BAG3: variants seen among roughly 807,000 people sequenced by gnomAD.
The protein encoded by BAG3 is BAG cochaperone 3, also known as BAG family molecular chaperone regulator 3.
A neutral mutation model predicts 40.5 loss-of-function variants in BAG3; 14 were observed. That is an observed-to-expected ratio of 0.35 (90% CI 0.23 to 0.54). The LOEUF (loss-of-function observed/expected upper bound fraction) is 0.54, where lower values mean the gene tolerates loss of function less well. Among genes scored for constraint, BAG3 ranks in the 20% least tolerant of loss-of-function variants. The pLI, the probability that BAG3 is intolerant of heterozygous loss-of-function variation, is 0.91. For missense variants in BAG3, 788 were observed against 758.6 expected (o/e 1.04, Z -0.46); for synonymous variants, 302 against 307.8 (o/e 0.98, Z 0.20).
chr10:119,677,232 T>G lies in BAG3; in HGVS notation c.1678T>G (p.Ser560Ala). 2 of 1,614,018 alleles carry G rather than the reference T, an allele frequency of 1.2e-6. No individual in the cohort carries two copies. The highest frequency in any genetic ancestry group is 8.5e-7 in the Non-Finnish European group (1 of 1,180,004). ...GCCAGAAGCCACAGCAGCAGCGACT[T>G]CAAACCCCAGCAGCATGACAGACAC... The part of the protein sequence containing the change: ...QQPEATAAAT[S>A]NPSSMTDTPG... The change falls in exon 4 of 4, where the codon TCA becomes GCA. Residue 560 changes from serine (S) to alanine (A), a missense_variant. Physicochemically the swap from Ser to Ala is moderately conservative, Grantham distance 99. Transcript: ENST00000369085.
rs1661722125 is a variant in BAG3, at chr10:119,656,070, A to T, written c.180+4215A>T. On this transcript the variant is annotated intron_variant, in intron 1 of 3. Transcript: ENST00000369085. ...TGTTTATTACTTTCTATTGACATTT[A>T]AAAATGATGTTCTGATGTTTATCAT... is the stretch of plus-strand genomic sequence containing the variant. 2.6e-5 allele frequency among the ~76,000 whole-genome samples: 4 copies of T among 152,298 alleles called. No individual in the cohort carries two copies. The South Asian group carries it at 8.3e-4, about 32-fold the overall frequency.
chr10:119,669,718 G>A (rs1847116222), intron 1 of BAG3, 133 bp from the exon 2 acceptor site: 7 of 922,024 alleles, frequency 7.6e-6, no homozygotes, highest in African/African-American at 4.9e-5. Context: ...TACAGGGGCT[G>A]GGAGCTGGCT....
intron 1 of BAG3, among the ~76,000 whole-genome samples, chr10:119,660,119 C>G (rs1385665874): frequency 6.6e-6 from 1 of 152,222 alleles, no homozygotes; most frequent in Non-Finnish European, 1.5e-5. Flanking sequence ...GCGGATGGTG[C>G]CTGGCCTGGA....
At chr10:119,673,652 A>G (rs1351808071) in intron 3 of BAG3, among the ~76,000 whole-genome samples, 4 of 152,218 alleles carry the variant, frequency 2.6e-5, no homozygotes, top group Non-Finnish European at 5.9e-5. Flanking sequence ...TTTCATTACA[A>G]ATGGTCACAC....
At chr10:119,662,781 G>A (rs1171585876) in intron 1 of BAG3, among the ~76,000 whole-genome samples, 6 of 152,062 alleles carry the variant, frequency 3.9e-5, no homozygotes, top group African/African-American at 9.7e-5. Flanking sequence ...TTGGGAGGCC[G>A]AGATGGGCAG....
At chr10:119,653,602 T>G (rs1564767787) in intron 1 of BAG3, among the ~76,000 whole-genome samples, 1 of 152,256 alleles carries the variant, frequency 6.6e-6, no homozygotes. Context: ...ACCATTATTC[T>G]TGTCAGCAAA....
intron 1 of BAG3, among the ~76,000 whole-genome samples, chr10:119,662,178 C>T (rs1043622534): frequency 1.3e-5 from 2 of 150,530 alleles, no homozygotes; most frequent in African/African-American, 4.9e-5. Context: ...CTCCTGAGTA[C>T]CTGGGATTGC....
At chr10:119,657,520 G>A (rs1846929247) in intron 1 of BAG3, 2 of 470,986 alleles carry the variant, frequency 4.2e-6, no homozygotes, top group African/African-American at 2.0e-5. Context: ...ACATGGGCCT[G>A]CCCAGAGCGC....
In BAG3 at chr10:119,677,582, T is replaced by A. The variant is rs1847259039; in HGVS notation, c.*300T>A. ...CCACCTGTTAGCTGTGGTTGTGCAC[T>A]GTCTTTTGTAGCTCTGGACTGGAGG... On this transcript the variant is annotated 3_prime_UTR_variant, in exon 4 of 4. Coordinates refer to ENST00000369085, the MANE Select transcript of BAG3 (RefSeq NM_004281.4). 2.1e-6 allele frequency: 1 copy of A among 475,696 alleles called. No individual in the cohort carries two copies. Among genetic ancestry groups the A allele is most frequent in the Admixed American group, 3.4e-5 (1 of 29,604 alleles). 29.5% of individuals were successfully genotyped at this position (475,696 alleles called of 1,614,324 possible).
In BAG3 at chr10:119,672,426, C is replaced by G. The variant is rs149517238; in HGVS notation, c.679C>G (p.Gln227Glu). The G allele has an allele frequency of 2.8e-5, 45 of 1,614,086 alleles. No homozygotes were observed. In the Middle Eastern group the frequency reaches 4.9e-4, roughly 18 times the overall value. Reference protein sequence around the residue: ...TRPAAQPSFHQAQKTHYPAQQ... With the variant: ...TRPAAQPSFHEAQKTHYPAQQ... Reference sequence around the variant, plus strand: ...GCCAGCAGCCCAGCCCTCCTTCCACCAAGCCCAGAAGACGCACTACCCAGC... The same window carrying G: ...GCCAGCAGCCCAGCCCTCCTTCCACGAAGCCCAGAAGACGCACTACCCAGC... The change falls in exon 3 of 4, where the codon CAA becomes GAA. Residue 227 changes from glutamine (Q) to glutamate (E), a missense_variant. Coordinates refer to ENST00000369085, the MANE Select transcript of BAG3 (RefSeq NM_004281.4). The surrounding 1 kb of genome is among the most constrained non-coding windows in gnomAD (Gnocchi z 4.8).
rs142342346 is a variant in BAG3 at position 119,674,075 on chromosome 10, G to A, written c.909+1419G>A. Among the ~76,000 whole-genome samples, 498 of 152,312 alleles carry A rather than the reference G, an allele frequency of 3.3e-3. 7 individuals are homozygous for A. Among genetic ancestry groups the A allele is most frequent in the African/African-American group, 0.011 (467 of 41,564 alleles). On this transcript the variant is annotated intron_variant, in intron 3 of 3. Transcript: ENST00000369085. ...GACTGAAACAAGGATCATGAGCACC[G>A]CATTTAGATGCAACTTCTCTTCAGT...
At chr10:119,656,944 G>C (rs912353912) in intron 1 of BAG3, among the ~76,000 whole-genome samples, 9 of 152,158 alleles carry the variant, frequency 5.9e-5, no homozygotes, top group Admixed American at 5.2e-4. Context: ...TAAACAGAAA[G>C]ACTTCTGTGG....
intron 2 of BAG3, among the ~76,000 whole-genome samples, chr10:119,671,526 G>C (rs115411859): frequency 6.6e-6 from 1 of 152,266 alleles, no homozygotes; most frequent in Non-Finnish European, 1.5e-5. Flanking sequence ...TTGCTCAGCC[G>C]AGTTCTCTGT....
intron 1 of BAG3, among the ~76,000 whole-genome samples, chr10:119,653,305 ACACT>A (rs1415076536): frequency 6.6e-6 from 1 of 152,170 alleles, no homozygotes; most frequent in Non-Finnish European, 1.5e-5. Flanking sequence ...GGTGAAACTG[ACACT>A]CATTTCAAAC....
chr10:119,654,311 A>G (rs1846882174), intron 1 of BAG3, among the ~76,000 whole-genome samples: 1 of 152,214 alleles, frequency 6.6e-6, no homozygotes. Flanking sequence ...TTCAAGAGGA[A>G]ATGCTGTCAA....
At chr10:119,675,833 C>CCCTTCCCT (rs1564776012) in intron 3 of BAG3, among the ~76,000 whole-genome samples, 3 of 49,508 alleles carry the variant, frequency 6.1e-5, no homozygotes, top group South Asian at 7.9e-4. Flanking sequence ...TCCCCCTTCC[C>CCCTTCCCT]CCTTCCCTCC....
intron 1 of BAG3, among the ~76,000 whole-genome samples, chr10:119,665,600 T>A (rs1404631491): frequency 2.0e-5 from 3 of 152,104 alleles, no homozygotes; most frequent in African/African-American, 7.2e-5. Context: ...TTTTACTTAG[T>A]AAAAGCGGAA....
At chr10:119,658,090 G>T (rs1386954664) in intron 1 of BAG3, among the ~76,000 whole-genome samples, 1 of 152,216 alleles carries the variant, frequency 6.6e-6, no homozygotes. Flanking sequence ...GAGAACAAAC[G>T]TTTGCTGTTT....
At chr10:119,652,370 G>A (rs1846855300) in intron 1 of BAG3, among the ~76,000 whole-genome samples, 1 of 152,254 alleles carries the variant, frequency 6.6e-6, no homozygotes, top group African/African-American at 2.4e-5. Flanking sequence ...CTCCAACTTG[G>A]TTGAGGGGTA....
Sources: allele counts gnomAD v4.1 joint callset (sites outside exome capture counted in the v4.1 genomes callset), GRCh38; gene constraint gnomAD v4.1.1; non-coding constraint Gnocchi (gnomAD v3.1); transcripts MANE v1.5; gene names NCBI Gene and HGNC (gene_info 2026-07-23, HGNC 2026-07-21).